PSMD11: variants seen among roughly 807,000 people sequenced by gnomAD.
PSMD11 encodes 26S proteasome non-ATPase regulatory subunit 11.
PSMD11 carries 5 observed loss-of-function variants against 62.3 expected under a neutral mutation model. The ratio of observed to expected loss-of-function variants is 0.08; its 90% confidence interval spans 0.04 to 0.17. The LOEUF (loss-of-function observed/expected upper bound fraction) is 0.17, where lower values mean the gene tolerates loss of function less well. Ranked by LOEUF, PSMD11 falls within the 10% of genes least tolerant of loss-of-function variation. The pLI, the probability that PSMD11 is intolerant of heterozygous loss-of-function variation, is 1.00. For missense variants in PSMD11, 310 were observed against 512.9 expected (o/e 0.60, Z 3.82); for synonymous variants, 191 against 191.8 (o/e 1.00, Z 0.03).
At position 32,479,388 on chromosome 17, in the gene PSMD11, C is replaced by CT; in HGVS notation, c.1038+13dup. ...TTTCCAGAGTACAGGTGAGAACCCT[C>CT]TGGGGACTCCATTTCTGGCCAGGCA... On this transcript the variant is annotated intron_variant, in intron 10 of 13. Transcript: ENST00000261712. 2 of 1,613,272 alleles carry CT rather than the reference C, an allele frequency of 1.2e-6. No individual in the cohort carries two copies. The highest frequency in any genetic ancestry group is 1.7e-6 in the Non-Finnish European group (2 of 1,179,528).
At chr17:32,466,275 G>A (rs1407926202) in intron 5 of PSMD11, among the ~76,000 whole-genome samples, 1 of 152,176 alleles carries the variant, frequency 6.6e-6, no homozygotes, top group South Asian at 2.1e-4. Context: ...GGGATTACAG[G>A]TGTGAGCTAC....
intron 6 of PSMD11, among the ~76,000 whole-genome samples, chr17:32,470,099 A>G (rs541105888): frequency 3.3e-5 from 5 of 152,020 alleles, no homozygotes; most frequent in South Asian, 2.1e-4. Context: ...CACAGCCTCA[A>G]CTTCCTGGGC....
chr17:32,473,146 A>G (rs2150838305), intron 6 of PSMD11, among the ~76,000 whole-genome samples: 1 of 150,486 alleles, frequency 6.6e-6, no homozygotes, highest in East Asian at 2.0e-4. Flanking sequence ...TGACAGAGTG[A>G]GACTCGGCTC....
At chr17:32,474,951 C>T (rs751550983) in intron 8 of PSMD11, 127 bp downstream of exon 8, 3 of 879,658 alleles carry the variant, frequency 3.4e-6, no homozygotes, top group East Asian at 5.3e-5. Context: ...CCACTCACTT[C>T]CTTCCCTTAA....
At chr17:32,474,680 A>G (rs1908266492) in intron 7 of PSMD11, 84 bp from the exon 8 acceptor site, 1 of 1,328,506 alleles carries the variant, frequency 7.5e-7, no homozygotes, top group Admixed American at 1.7e-5. Flanking sequence ...TTACAATGGA[A>G]TTCTGTTAAA....
intron 2 of PSMD11, among the ~76,000 whole-genome samples, chr17:32,447,924 G>A (rs1392643489): frequency 2.7e-5 from 4 of 148,396 alleles, no homozygotes; most frequent in Admixed American, 1.4e-4. Context: ...TGTGTCACCC[G>A]GGTTGGAGTG....
chr17:32,471,253 G>T (rs1908153465), intron 6 of PSMD11, among the ~76,000 whole-genome samples: 1 of 152,220 alleles, frequency 6.6e-6, no homozygotes, highest in African/African-American at 2.4e-5. Flanking sequence ...TGATAGCATA[G>T]GTTGGCAGTA....
intron 5 of PSMD11, among the ~76,000 whole-genome samples, chr17:32,467,326 A>G (rs188836641): frequency 4.8e-5 from 7 of 144,664 alleles, no homozygotes; most frequent in Admixed American, 3.5e-4. Context: ...GCTCACTGCA[A>G]CCTCCACCTC....
intron 3 of PSMD11, among the ~76,000 whole-genome samples, chr17:32,460,645 C>G (rs978422478): frequency 1.3e-5 from 2 of 151,450 alleles, no homozygotes; most frequent in Non-Finnish European, 2.9e-5. Context: ...TGGTGGCGGG[C>G]GCCTGAAGTC....
chr17:32,459,259 C>T (rs961646832), intron 3 of PSMD11, among the ~76,000 whole-genome samples: 3 of 151,746 alleles, frequency 2.0e-5, no homozygotes, highest in African/African-American at 7.3e-5. Context: ...TGTGCCTTCC[C>T]TATGGTAGAT....
At chr17:32,459,673 T>C (rs1907765687) in intron 3 of PSMD11, among the ~76,000 whole-genome samples, 1 of 152,286 alleles carries the variant, frequency 6.6e-6, no homozygotes, top group African/African-American at 2.4e-5. Context: ...TCTTAGTTCT[T>C]TTTTCTTTTT....
intron 7 of PSMD11, 150 bp from the exon 8 acceptor site, chr17:32,474,614 T>C: frequency 2.8e-6 from 2 of 709,400 alleles, no homozygotes; most frequent in African/African-American, 1.8e-5. Context: ...TTTTGCAATG[T>C]GATGGGCATA....
intron 9 of PSMD11, 23 bp from the exon 10 acceptor site, chr17:32,479,228 T>C: frequency 6.2e-7 from 1 of 1,612,658 alleles, no homozygotes; most frequent in Non-Finnish European, 8.5e-7. Flanking sequence ...TGTGCCAATC[T>C]CTGCAACTGG....
chr17:32,470,192 A>G (rs1908123444), intron 6 of PSMD11, among the ~76,000 whole-genome samples: 7 of 151,714 alleles, frequency 4.6e-5, no homozygotes, highest in Admixed American at 4.6e-4. Context: ...TTTTGTAGAG[A>G]TAGGGTTTCG....
At chr17:32,445,186 G>A (rs1907296674) in intron 1 of PSMD11, 1 of 156,920 alleles carries the variant, frequency 6.4e-6, no homozygotes, top group African/African-American at 2.4e-5. Context: ...CTTTCAGAAT[G>A]TGGGAAATTC....
intron 1 of PSMD11, chr17:32,445,616 C>G (rs543415207): frequency 2.6e-5 from 4 of 152,202 alleles, no homozygotes; most frequent in Admixed American, 2.6e-4. Flanking sequence ...CTTGGACTAG[C>G]TCTTCACTGC....
chr17:32,451,690 A>C (rs1407209769), intron 2 of PSMD11, among the ~76,000 whole-genome samples: 1 of 152,074 alleles, frequency 6.6e-6, no homozygotes, highest in Non-Finnish European at 1.5e-5. Flanking sequence ...AAAAAAGTGG[A>C]TTTATTGTGA....
At chr17:32,457,964 C>G (rs946700274) in intron 3 of PSMD11, among the ~76,000 whole-genome samples, 2 of 152,046 alleles carry the variant, frequency 1.3e-5, no homozygotes, top group Non-Finnish European at 1.5e-5. Context: ...CTGCACCTGG[C>G]TAATTTTTGT....
chr17:32,464,253 A>G (rs1303658718), intron 4 of PSMD11, 133 bp downstream of exon 4: 30 of 907,072 alleles, frequency 3.3e-5, no homozygotes, highest in Non-Finnish European at 5.1e-5. Context: ...TATTGATGGT[A>G]GCCCCACTTA....
Sources: gnomAD v4.1 joint callset for allele counts (sites outside exome capture counted in the v4.1 genomes callset) on GRCh38, gnomAD v4.1.1 for gene constraint, MANE v1.5 for transcripts, NCBI Gene and HGNC (gene_info 2026-07-23, HGNC 2026-07-21) for gene names.